Variants in ABCC2 observed in about 807,000 individuals in gnomAD.
The protein encoded by ABCC2 is ATP-binding cassette sub-family C member 2.
ABCC2 carries 157 observed loss-of-function variants against 173.4 expected under a neutral mutation model. The observed-to-expected ratio is 0.91, with a 90% CI of 0.80 to 1.03. The LOEUF (loss-of-function observed/expected upper bound fraction) is 1.03. Among genes scored for constraint, ABCC2 ranks in the 50% least tolerant of loss-of-function variants. The pLI, the probability that ABCC2 is intolerant of heterozygous loss-of-function variation, is 0.00. For synonymous variants in ABCC2, 657 were observed against 693.5 expected, an observed-to-expected ratio of 0.95 and a Z score of 0.83; for missense variants, 1,822 against 1,852.3, an observed-to-expected ratio of 0.98 and a Z score of 0.30.
At chr10:99,809,369 A>T (rs2038169990) in intron 13 of ABCC2, among the ~76,000 whole-genome samples, 1 of 152,150 alleles carries the variant, frequency 6.6e-6, no homozygotes, top group African/African-American at 2.4e-5. Context: ...AAACAAAACG[A>T]ATCAAAACAA....
At chr10:99,817,192 G>A in intron 16 of ABCC2, 116 bp from the exon 17 acceptor site, 6 of 892,156 alleles carry the variant, frequency 6.7e-6, no homozygotes, top group Non-Finnish European at 1.1e-5. Flanking sequence ...TCATCCTGAT[G>A]CACAGTTATT....
chr10:99,834,657 G>T, intron 24 of ABCC2, 122 bp downstream of exon 24: 6 of 1,254,452 alleles, frequency 4.8e-6, no homozygotes, highest in Non-Finnish European at 7.0e-6. Flanking sequence ...CAGCAGCTTT[G>T]CCATTTAGTC....
chr10:99,808,356 C>T (rs1030499820), intron 13 of ABCC2, 127 bp downstream of exon 13: 12 of 1,269,514 alleles, frequency 9.5e-6, no homozygotes, highest in Non-Finnish European at 1.3e-5. Flanking sequence ...TCTGTTTGGT[C>T]TCTGGAGACC....
At position 99,810,215 on chromosome 10, in the gene ABCC2, T is replaced by A; in HGVS notation, c.1897T>A (p.Phe633Ile). The A allele has an allele frequency of 6.2e-7, 1 of 1,613,162 alleles. No homozygotes were observed. Among genetic ancestry groups the A allele is most frequent in the East Asian group, 2.2e-5 (1 of 44,872 alleles). Residue 633 changes from phenylalanine (F) to isoleucine (I), a missense_variant, in exon 14 of 32, where the codon TTT (phenylalanine) becomes ATT (isoleucine). Transcript: ENST00000647814. Reference protein sequence around the residue: ...DTSAIRHDCNFDKAMQFSEAS... With the variant: ...DTSAIRHDCNIDKAMQFSEAS... ...ATCTGCCATTCGACATGACTGCAAT[T>A]TTGGTAAATAAATTTGGAAGTTGCT...
In ABCC2 at chr10:99,831,718, C is replaced by T. The variant is rs924049343; in HGVS notation, c.2991C>T (p.Asn997=). ...VMNSVAFIGS[N]LWLSAWTSDS... is the part of the protein sequence containing the mutation. ...ATTCTGTGGCTTTTATTGGATCCAACCTCTGGCTCAGTGCTTGGACCAGTG... is the reference window on the plus strand; with the variant it reads ...ATTCTGTGGCTTTTATTGGATCCAATCTCTGGCTCAGTGCTTGGACCAGTG... Residue 997 remains asparagine, a synonymous_variant, in exon 22 of 32, where the codon AAC becomes AAT. Coordinates refer to ENST00000647814, the MANE Select transcript of ABCC2 (RefSeq NM_000392.5). The T allele has an allele frequency of 6.2e-7, 1 of 1,614,150 alleles. No individual in the cohort carries two copies. Among genetic ancestry groups the T allele is most frequent in the Non-Finnish European group, 8.5e-7 (1 of 1,179,992 alleles).
intron 7 of ABCC2, among the ~76,000 whole-genome samples, chr10:99,798,390 G>A (rs1297600921): frequency 1.3e-5 from 2 of 152,166 alleles, no homozygotes; most frequent in African/African-American, 4.8e-5. Flanking sequence ...ACAGAGGCTG[G>A]TGACTGAGTC....
intron 25 of ABCC2, among the ~76,000 whole-genome samples, chr10:99,837,484 ATT>A (rs1175597570): frequency 1.5e-4 from 1 of 6,612 alleles, no homozygotes; most frequent in African/African-American, 5.7e-4. Context: ...TTTTAAATTT[ATT>A]TTTTTATTGA....
At chr10:99,796,978 G>A (rs1008888688) in intron 6 of ABCC2, 119 bp from the exon 7 acceptor site, 1 of 866,296 alleles carries the variant, frequency 1.2e-6, no homozygotes, top group Non-Finnish European at 1.9e-6. Flanking sequence ...AGGAGATGGG[G>A]ATAGTCCCAT....
At chr10:99,808,618 C>A (rs2038156122) in intron 13 of ABCC2, among the ~76,000 whole-genome samples, 1 of 152,112 alleles carries the variant, frequency 6.6e-6, no homozygotes, top group African/African-American at 2.4e-5. Flanking sequence ...AGAGACCCTC[C>A]CTTTGCATAA....
chr10:99,846,933 A>C (rs773362334), intron 29 of ABCC2, 28 bp from the exon 30 acceptor site: 2 of 1,613,816 alleles, frequency 1.2e-6, no homozygotes, highest in African/African-American at 2.7e-5. Context: ...CATGAGCCCC[A>C]ACAGCCCCCT....
At chr10:99,820,163 G>A (rs188129937) in intron 19 of ABCC2, among the ~76,000 whole-genome samples, 22 of 152,186 alleles carry the variant, frequency 1.4e-4, no homozygotes, top group South Asian at 2.1e-4. Flanking sequence ...AGGCTGAGGC[G>A]GGTGGATCAC....
At chr10:99,845,586 A>G in intron 28 of ABCC2, 38 bp from the exon 29 acceptor site, 1 of 1,612,854 alleles carries the variant, frequency 6.2e-7, no homozygotes, top group East Asian at 2.2e-5. Flanking sequence ...CCCAAGAATT[A>G]TTTGTGGAAC....
chr10:99,810,261 C>G, intron 14 of ABCC2, 43 bp downstream of exon 14: 1 of 1,516,510 alleles, frequency 6.6e-7, no homozygotes, highest in Non-Finnish European at 9.2e-7. Context: ...ATTCGCAGTA[C>G]TGGTGCCAGA....
chr10:99,818,672 GA>G lies in ABCC2; in HGVS notation c.2272-117del, dbSNP rs140274968. On this transcript the variant is annotated intron_variant, in intron 17 of 31. Coordinates refer to ENST00000647814, the MANE Select transcript of ABCC2 (RefSeq NM_000392.5). Reference sequence around the variant, plus strand: ...TTTATTTGTATAAAGGAACTTGTAAGATTTTTAACCCCTTGACACCTTATTG... The same window carrying G: ...TTTATTTGTATAAAGGAACTTGTAAGTTTTTAACCCCTTGACACCTTATTG... 1.0e-3 allele frequency: 1,057 copies of G among 1,041,298 alleles called. 11 individuals are homozygous for G. In the African/African-American group the frequency reaches 0.016, roughly 15 times the overall value. The allele number at this position is 1,041,298 out of a possible 1,614,324, so 64.5% of individuals were successfully genotyped here.
chr10:99,830,188 T>C, intron 19 of ABCC2, 119 bp from the exon 20 acceptor site: 1 of 1,156,430 alleles, frequency 8.6e-7, no homozygotes, highest in Non-Finnish European at 1.3e-6. Context: ...CCATGCTGTA[T>C]GTACATCTGG....
chr10:99,791,399 C>G (rs1377453433), intron 2 of ABCC2, among the ~76,000 whole-genome samples: 1 of 152,204 alleles, frequency 6.6e-6, no homozygotes, highest in Admixed American at 6.5e-5. Flanking sequence ...CAGAGTGAGA[C>G]TCCGTCTCAA....
chr10:99,814,378 C>CACGTATGTATACACACATGTGTAT (rs1564684750), intron 16 of ABCC2, among the ~76,000 whole-genome samples: 2 of 24,126 alleles, frequency 8.3e-5, no homozygotes, highest in East Asian at 3.6e-3. Flanking sequence ...TATATATACA[C>CACGTATGTATACACACATGTGTAT]ATATATACAT....
At chr10:99,835,752 A>G (rs942495310) in intron 24 of ABCC2, among the ~76,000 whole-genome samples, 1 of 152,046 alleles carries the variant, frequency 6.6e-6, no homozygotes, top group Non-Finnish European at 1.5e-5. Flanking sequence ...TCTAATGAGT[A>G]CAGAAACTGT....
intron 6 of ABCC2, among the ~76,000 whole-genome samples, chr10:99,795,720 G>GAA (rs1564672231): frequency 8.1e-6 from 1 of 122,754 alleles, no homozygotes; most frequent in Non-Finnish European, 1.7e-5. Context: ...GAGAGAGAGA[G>GAA]AAGAAAGAAA....
Sources: allele counts gnomAD v4.1 joint callset (sites outside exome capture counted in the v4.1 genomes callset), GRCh38; gene constraint gnomAD v4.1.1; transcripts MANE v1.5; gene names NCBI Gene and HGNC (gene_info 2026-07-23, HGNC 2026-07-21).